VAC14: variants seen among roughly 807,000 people sequenced by gnomAD.
VAC14 encodes the protein VAC14 component of PIKFYVE complex, also known as protein VAC14 homolog.
Under a neutral mutation model 85.3 loss-of-function variants are expected in VAC14, and 47 were observed. The ratio of observed to expected loss-of-function variants is 0.55; its 90% CI spans 0.44 to 0.70. The LOEUF is 0.70. Ranked by LOEUF, VAC14 falls within the 30% of genes least tolerant of loss-of-function variation. VAC14 has a pLI of 0.00. For synonymous variants in VAC14, 447 were observed against 430.5 expected (o/e 1.04, Z -0.47); for missense variants, 861 against 1,004.3 (o/e 0.86, Z 1.93).
chr16:70,695,370 C>T (rs1465783644), intron 17 of VAC14, among the ~76,000 whole-genome samples, 174 bp downstream of exon 17: 1 of 152,138 alleles, frequency 6.6e-6, no homozygotes, highest in Non-Finnish European at 1.5e-5. Context: ...GCCTCAGCCT[C>T]CAAAGTGCTG....
intron 14 of VAC14, among the ~76,000 whole-genome samples, chr16:70,700,687 A>C (rs1013539014): frequency 1.3e-5 from 2 of 152,188 alleles, no homozygotes; most frequent in Non-Finnish European, 2.9e-5. Context: ...TGCAGAGCCC[A>C]GACAGTGCTT....
chr16:70,767,610 G>A (rs2032916884), intron 10 of VAC14, among the ~76,000 whole-genome samples: 1 of 152,134 alleles, frequency 6.6e-6, no homozygotes, highest in Non-Finnish European at 1.5e-5. Context: ...GAGTTAGGGA[G>A]GCCAACTGCA....
intron 7 of VAC14, among the ~76,000 whole-genome samples, chr16:70,782,747 C>A (rs973758201): frequency 6.6e-6 from 1 of 152,222 alleles, no homozygotes; most frequent in East Asian, 1.9e-4. Flanking sequence ...AGTCTCAGGG[C>A]TAAGGCCAAG....
At chr16:70,706,902 A>T (rs2053930732) in intron 14 of VAC14, among the ~76,000 whole-genome samples, 1 of 152,200 alleles carries the variant, frequency 6.6e-6, no homozygotes, top group Non-Finnish European at 1.5e-5. Context: ...CTGGAGTCTC[A>T]CGGCCAATAA....
At chr16:70,749,409 A>G (rs958564545) in intron 12 of VAC14, among the ~76,000 whole-genome samples, 5 of 152,244 alleles carry the variant, frequency 3.3e-5, no homozygotes, top group Non-Finnish European at 7.3e-5. Flanking sequence ...TTACACTTCA[A>G]TTGCACAATT....
intron 17 of VAC14, among the ~76,000 whole-genome samples, chr16:70,693,952 C>A (rs558078582): frequency 2.0e-5 from 3 of 152,334 alleles, no homozygotes; most frequent in Middle Eastern, 3.4e-3. Context: ...GGCCTGCTGG[C>A]GCCCTCCAGA....
intron 10 of VAC14, among the ~76,000 whole-genome samples, chr16:70,765,294 C>T (rs143375075): frequency 1.3e-5 from 2 of 152,252 alleles, no homozygotes; most frequent in East Asian, 3.9e-4. Flanking sequence ...CCCTGGGATC[C>T]TTGGAACTGC....
intron 14 of VAC14, 150 bp from the exon 15 acceptor site, chr16:70,698,961 TTGTGGGA>T: frequency 1.6e-6 from 1 of 614,692 alleles, no homozygotes; most frequent in Non-Finnish European, 2.7e-6. Context: ...AGGCCTGTGG[TTGTGGGA>T]GGGCGGGGAA....
intron 13 of VAC14, among the ~76,000 whole-genome samples, chr16:70,743,096 G>A (rs187867981): frequency 1.4e-3 from 208 of 150,654 alleles, no homozygotes; most frequent in Non-Finnish European, 2.5e-3. Context: ...CTGTAAAAAC[G>A]CACCAATCAG....
At position 70,744,555 on chromosome 16, in the gene VAC14, G is replaced by T; in HGVS notation, c.1396C>A (p.Leu466Met). 1 of 1,607,030 alleles carries T rather than the reference G, an allele frequency of 6.2e-7. No homozygotes were observed. Among genetic ancestry groups the T allele is most frequent in the Non-Finnish European group, 8.5e-7 (1 of 1,176,994 alleles). Residue 466 changes from leucine (L) to methionine (M), a missense_variant, in exon 13 of 19, where the codon CTG becomes ATG. Leu to Met is a conservative substitution (Grantham distance 15). Around this residue, in one of 3 missense-constraint regions of VAC14, gnomAD observed 629 missense variants for 703.1 expected, o/e 0.89. Coordinates refer to ENST00000261776, the MANE Select transcript of VAC14 (RefSeq NM_018052.5). ...GCGGGGGAGGAAGCGATTTCTGCCA[G>T]CACCTCCAGGTCCTTCAGGATCACC... The part of the protein sequence containing the change: ...DEVILKDLEV[L>M]AEIASSPAGQ...
Position 70,688,000 on chromosome 16 carries a change from C to A in VAC14, c.2277G>T (p.Gln759His). 6.2e-7 allele frequency: 1 copy of A among 1,606,814 alleles called. No homozygotes were observed. Residue 759 changes from glutamine to histidine, a missense_variant, in exon 19 of 19, where the codon CAG (glutamine) becomes CAT (histidine). Physicochemically the swap from Gln to His is conservative, Grantham distance 24 (BLOSUM62 0). Transcript: ENST00000261776. Reference protein sequence around the residue: ...AELLQHFEKVQNKHLEVRHQR... With the variant: ...AELLQHFEKVHNKHLEVRHQR... ...GGTGCCGCACTTCCAGGTGCTTGTTCTGGACCTTCTCAAAGTGCTGCAGCA... is the reference window on the plus strand; with the variant it reads ...GGTGCCGCACTTCCAGGTGCTTGTTATGGACCTTCTCAAAGTGCTGCAGCA...
chr16:70,723,026 G>T (rs1443914120), intron 14 of VAC14, among the ~76,000 whole-genome samples: 1 of 152,068 alleles, frequency 6.6e-6, no homozygotes, highest in Admixed American at 6.5e-5. Context: ...GACCAACCTG[G>T]CCAACATGGT....
chr16:70,688,557 C>A, intron 18 of VAC14: 1 of 985,930 alleles, frequency 1.0e-6, no homozygotes, highest in Non-Finnish European at 1.2e-6. Context: ...CTGCCGGGCC[C>A]TCCACTTGGC....
At chr16:70,720,396 G>T (rs867450720) in intron 14 of VAC14, among the ~76,000 whole-genome samples, 1 of 152,182 alleles carries the variant, frequency 6.6e-6, no homozygotes, top group Non-Finnish European at 1.5e-5. Flanking sequence ...CTGCCACACC[G>T]CTTTGATCAG....
At chr16:70,780,575 C>T (rs1439195650) in intron 9 of VAC14, among the ~76,000 whole-genome samples, 2 of 152,204 alleles carry the variant, frequency 1.3e-5, no homozygotes, top group Admixed American at 6.5e-5. Flanking sequence ...TCACTAGCTG[C>T]GAGTGTGTGG....
intron 1 of VAC14, among the ~76,000 whole-genome samples, chr16:70,797,096 G>T (rs1416961342): frequency 3.3e-5 from 5 of 152,142 alleles, no homozygotes; most frequent in Non-Finnish European, 7.4e-5. Flanking sequence ...AAAAATTCAA[G>T]AACAACGCAT....
rs1354370137 is a variant in VAC14 at position 70,762,775 on chromosome 16, T to C, written c.1305+106A>G. On this transcript the variant is annotated intron_variant, in intron 11 of 18. Transcript: ENST00000261776. This position sits in a 1 kb window ranked among gnomAD's most constrained non-coding sequence, Gnocchi z 4.1. ...CCTGTCACTTCTCTGCCGGCCAGGG[T>C]TTCCCTAGAAGGGCAATGACCAAAA... 2 of 1,563,348 alleles carry C rather than the reference T, an allele frequency of 1.3e-6. No individual in the cohort carries two copies. Among genetic ancestry groups the C allele is most frequent in the Non-Finnish European group, 1.7e-6 (2 of 1,147,294 alleles).
Position 70,772,116 on chromosome 16 carries a change from C to A in VAC14, c.1153G>T (p.Ala385Ser). 1 of 1,614,054 alleles carries A rather than the reference C, an allele frequency of 6.2e-7. No individual in the cohort carries two copies. The highest frequency in any genetic ancestry group is 8.5e-7 in the Non-Finnish European group (1 of 1,180,006). Residue 385 changes from alanine (A) to serine (S), a missense_variant, in exon 10 of 19, where the codon GCA (alanine) becomes TCA (serine). By Grantham distance (99) the Ala-to-Ser change is moderately conservative. This residue lies in a region of VAC14 where 629 missense variants were observed against 703.1 expected (regional missense o/e 0.89). Transcript: ENST00000261776. ...CTGAAACAAGCCACTTACCTGGCTG[C>A]AGTGAAGACACTGATGCCGCTACTG... ...SFSSGISVFT[A>S]ASTERAPVTL...
At chr16:70,770,703 T>A (rs1343999830) in intron 10 of VAC14, 1 of 152,136 alleles carries the variant, frequency 6.6e-6, no homozygotes, top group African/African-American at 2.4e-5. Context: ...TGAATGAAGG[T>A]CAGGGACACA....
Sources: gnomAD v4.1 joint callset for allele counts (sites outside exome capture counted in the v4.1 genomes callset) on GRCh38, gnomAD v4.1.1 for gene constraint, gnomAD v4.1.1 regional missense constraint, Gnocchi (gnomAD v3.1) non-coding constraint, MANE v1.5 for transcripts, NCBI Gene and HGNC (gene_info 2026-07-23, HGNC 2026-07-21) for gene names.